The following RNF11 variants were observed in gnomAD, a reference collection of about 807,000 sequenced individuals.
RNF11 encodes ring finger protein 11.
Under a neutral mutation model 15.8 loss-of-function variants are expected in RNF11, and 4 were observed. That is an observed-to-expected ratio of 0.25 (90% CI 0.12 to 0.58). The LOEUF (loss-of-function observed/expected upper bound fraction) is 0.58. Ranked by LOEUF, RNF11 falls within the 20% of genes least tolerant of loss-of-function variation. The pLI, the probability that RNF11 is intolerant of heterozygous loss-of-function variation, is 0.91. For synonymous variants in RNF11, 68 were observed against 72.3 expected, an observed-to-expected ratio of 0.94 and a Z score of 0.30; for missense variants, 139 against 194.4, an observed-to-expected ratio of 0.71 and a Z score of 1.70.
At chr1:51,248,184 G>A (rs1218675124) in intron 1 of RNF11, among the ~76,000 whole-genome samples, 5 of 144,020 alleles carry the variant, frequency 3.5e-5, no homozygotes, top group Non-Finnish European at 7.5e-5. Context: ...CATTTACAGT[G>A]CTATACTGTA....
chr1:51,241,688 G>A lies in RNF11; in HGVS notation c.123+4809G>A, dbSNP rs977327950. On this transcript the variant is annotated intron_variant, in intron 1 of 2. Coordinates refer to ENST00000242719, the MANE Select transcript of RNF11 (RefSeq NM_014372.5). ...ATTAGAAAGTAGAAACAAATTTGTC[G>A]CACCCTCTACCCAACTCCCTTATTC... is the stretch of plus-strand genomic sequence containing the variant. Among the ~76,000 whole-genome samples the A allele has an allele frequency of 4.6e-5, 7 of 152,178 alleles. No individual in the cohort carries two copies. In the East Asian group the frequency reaches 7.7e-4, roughly 17 times the overall value.
At chr1:51,252,191 C>T (rs894454492) in intron 1 of RNF11, among the ~76,000 whole-genome samples, 7 of 150,698 alleles carry the variant, frequency 4.6e-5, no homozygotes, top group East Asian at 1.9e-4. Flanking sequence ...TGGCTTATTT[C>T]GTAAGAATGC....
chr1:51,266,950 T>C (rs555645565), intron 1 of RNF11, among the ~76,000 whole-genome samples: 2 of 152,256 alleles, frequency 1.3e-5, no homozygotes, highest in African/African-American at 2.4e-5. Context: ...CCTGCCCTTA[T>C]CAGACTACCC....
At chr1:51,245,745 G>A (rs746796223) in intron 1 of RNF11, among the ~76,000 whole-genome samples, 2 of 152,048 alleles carry the variant, frequency 1.3e-5, no homozygotes, top group Non-Finnish European at 2.9e-5. Context: ...CTACTGGGCT[G>A]GACACCAACA....
intron 1 of RNF11, among the ~76,000 whole-genome samples, chr1:51,249,331 A>G (rs977068348): frequency 6.6e-6 from 1 of 152,166 alleles, no homozygotes; most frequent in African/African-American, 2.4e-5. Context: ...ATTGGGCTCA[A>G]GTGATCTTCC....
chr1:51,247,207 G>T (rs748215606), intron 1 of RNF11, among the ~76,000 whole-genome samples: 1 of 151,910 alleles, frequency 6.6e-6, no homozygotes, highest in African/African-American at 2.4e-5. Flanking sequence ...ACAGTGTGTA[G>T]TTATTTTTTT....
At chr1:51,263,348 G>A (rs1646939475) in intron 1 of RNF11, among the ~76,000 whole-genome samples, 1 of 152,126 alleles carries the variant, frequency 6.6e-6, no homozygotes, top group African/African-American at 2.4e-5. Flanking sequence ...CTGCATCATG[G>A]GTGAACTTTG....
intron 1 of RNF11, among the ~76,000 whole-genome samples, chr1:51,257,170 G>A (rs1383983576): frequency 2.0e-5 from 3 of 152,190 alleles, no homozygotes; most frequent in Non-Finnish European, 2.9e-5. Flanking sequence ...GATGGCTGGA[G>A]GGGCTGGAGT....
intron 1 of RNF11, among the ~76,000 whole-genome samples, chr1:51,248,071 T>C (rs1646860307): frequency 6.6e-6 from 1 of 150,424 alleles, no homozygotes; most frequent in African/African-American, 2.4e-5. Context: ...GGGTAAGAAA[T>C]ACCATGCTTG....
At chr1:51,259,823 T>TTAA (rs1203608551) in intron 1 of RNF11, among the ~76,000 whole-genome samples, 4 of 152,166 alleles carry the variant, frequency 2.6e-5, no homozygotes, top group Non-Finnish European at 5.9e-5. Context: ...TGTCAAAGAG[T>TTAA]TAATAAGTTC....
chr1:51,266,435 CT>C (rs1008291652), intron 1 of RNF11, among the ~76,000 whole-genome samples: 33 of 150,012 alleles, frequency 2.2e-4, no homozygotes, highest in Non-Finnish European at 3.3e-4. Flanking sequence ...AGCAGTTTTT[CT>C]TTTTCTTATT....
chr1:51,273,420 TTAAA>T lies in RNF11; in HGVS notation c.*2103_*2106del, dbSNP rs1439149668. Reference sequence around the variant, plus strand: ...ATCAATTTTGACTTTTACTAAGTTGTTAAATAAAGTTATAATACAGCTGTGAAGG... The same window carrying T: ...ATCAATTTTGACTTTTACTAAGTTGTTAAAGTTATAATACAGCTGTGAAGG... On this transcript the variant is annotated 3_prime_UTR_variant, in exon 3 of 3. Transcript: ENST00000242719. The T allele has an allele frequency of 3.9e-5, 6 of 152,204 alleles. No individual in the cohort carries two copies. Among genetic ancestry groups the T allele is most frequent in the Admixed American group, 6.5e-5 (1 of 15,280 alleles). The allele number at this position is 152,204 out of a possible 1,614,324, so 9.4% of individuals were successfully genotyped here.
intron 1 of RNF11, among the ~76,000 whole-genome samples, chr1:51,237,249 G>C (rs1187659913): frequency 1.3e-5 from 2 of 151,550 alleles, no homozygotes; most frequent in African/African-American, 4.9e-5. Flanking sequence ...TTCTGGATAG[G>C]TGGTTGCCAA....
rs563201100 is a variant in RNF11 at position 51,236,507 on chromosome 1, C to G, written c.-250C>G. ...AGTGCTTCGTCTCCCCGCCCCCCCC[C>G]CCCCATCGCTGCCTCGCAGGAGGCG... On this transcript the variant is annotated 5_prime_UTR_variant, in exon 1 of 3. Transcript: ENST00000242719. 2 of 141,330 alleles carry G rather than the reference C, an allele frequency of 1.4e-5. No individual in the cohort carries two copies. Among genetic ancestry groups the G allele is most frequent in the Non-Finnish European group, 3.2e-5 (2 of 63,030 alleles). 8.8% of individuals were successfully genotyped at this position (141,330 alleles called of 1,614,324 possible). A position where few individuals can be genotyped will look rare whatever the true frequency, so the allele number is the denominator to read the frequency against.
At chr1:51,253,067 CG>C (rs1294369434) in intron 1 of RNF11, among the ~76,000 whole-genome samples, 3 of 151,850 alleles carry the variant, frequency 2.0e-5, no homozygotes, top group African/African-American at 7.3e-5. Context: ...CCTCGTGATC[CG>C]CCCGCCTCTG....
At chr1:51,238,507 A>C (rs1264933092) in intron 1 of RNF11, among the ~76,000 whole-genome samples, 1 of 152,222 alleles carries the variant, frequency 6.6e-6, no homozygotes, top group East Asian at 1.9e-4. Context: ...AGTTTCTGGC[A>C]CATAAGCACC....
chr1:51,246,356 C>G (rs1646851570), intron 1 of RNF11, among the ~76,000 whole-genome samples: 1 of 152,106 alleles, frequency 6.6e-6, no homozygotes, highest in African/African-American at 2.4e-5. Flanking sequence ...GGAAGGATTG[C>G]TTGAGCCCAG....
At chr1:51,250,262 G>C (rs866291450) in intron 1 of RNF11, among the ~76,000 whole-genome samples, 8 of 152,262 alleles carry the variant, frequency 5.3e-5, no homozygotes, top group Middle Eastern at 3.4e-3. Context: ...CTAATTTACA[G>C]ATCCTTCACC....
intron 1 of RNF11, chr1:51,250,889 A>C: frequency 9.6e-7 from 1 of 1,044,820 alleles, no homozygotes; most frequent in Non-Finnish European, 1.5e-6. Flanking sequence ...CCCTGGGTAC[A>C]GGGATGAGGT....
Sources: gnomAD v4.1 joint callset for allele counts (sites outside exome capture counted in the v4.1 genomes callset) on GRCh38, gnomAD v4.1.1 for gene constraint, MANE v1.5 for transcripts, NCBI Gene and HGNC (gene_info 2026-07-23, HGNC 2026-07-21) for gene names.